ZFHX3: variants seen among roughly 807,000 people sequenced by gnomAD.
ZFHX3 encodes the protein zinc finger homeobox protein 3.
A neutral mutation model predicts 279.1 loss-of-function variants in ZFHX3; 42 were observed. The ratio of observed to expected loss-of-function variants is 0.15; its 90% CI spans 0.12 to 0.19. The LOEUF (loss-of-function observed/expected upper bound fraction) is 0.19, where lower values mean the gene tolerates loss of function less well. ZFHX3 is among the 10% of genes least tolerant of loss of function. ZFHX3 has a pLI of 1.00. For synonymous variants in ZFHX3, 2,293 were observed against 1,957.8 expected (o/e 1.17, Z -4.52); for missense variants, 4,981 against 4,754.0 (o/e 1.05, Z -1.40).
intron 6 of ZFHX3, among the ~76,000 whole-genome samples, chr16:73,131,595 G>A (rs1216119362): frequency 2.0e-5 from 3 of 152,204 alleles, no homozygotes; most frequent in African/African-American, 7.2e-5. Context: ...GACACAGTGA[G>A]CCTCACAGGG....
In ZFHX3 at chr16:73,531,960, C is replaced by T. The variant is rs114981771; in HGVS notation, c.-1546-75702G>A. ...AAAAATTGACTGGATATGTGGCATG[C>T]ACCTGTAATCCCAGCTACTTGGAAG... On this transcript the variant is annotated intron_variant, in intron 2 of 17. Transcript: ENST00000641206. 6.1e-3 allele frequency among the ~76,000 whole-genome samples: 929 copies of T among 151,724 alleles called. 10 individuals carry two copies. Among genetic ancestry groups the T allele is most frequent in the African/African-American group, 0.021 (885 of 41,328 alleles).
At chr16:72,874,237 C>A (rs2038245846) in intron 4 of ZFHX3, among the ~76,000 whole-genome samples, 1 of 123,862 alleles carries the variant, frequency 8.1e-6, no homozygotes, top group Non-Finnish European at 1.6e-5. Context: ...GAGACAGTCT[C>A]ACTCTGTCGC....
intron 1 of ZFHX3, among the ~76,000 whole-genome samples, chr16:73,682,405 A>C (rs2142196176): frequency 6.6e-6 from 1 of 152,288 alleles, no homozygotes; most frequent in South Asian, 2.1e-4. Context: ...AAATGAAGTA[A>C]GAAGAAAATT....
At chr16:73,794,567 G>A (rs189216138) in intron 1 of ZFHX3, among the ~76,000 whole-genome samples, 15 of 152,184 alleles carry the variant, frequency 9.9e-5, no homozygotes, top group South Asian at 6.2e-4. Context: ...ACCATGAGGC[G>A]ATCCTGAGAG....
intron 4 of ZFHX3, among the ~76,000 whole-genome samples, chr16:72,840,663 A>G (rs1418847255): frequency 6.6e-6 from 1 of 152,202 alleles, no homozygotes; most frequent in African/African-American, 2.4e-5. Flanking sequence ...CTTACTCTGA[A>G]GCCCACAGCG....
intron 2 of ZFHX3, among the ~76,000 whole-genome samples, chr16:73,528,927 C>G (rs1255456167): frequency 2.0e-5 from 3 of 152,200 alleles, no homozygotes; most frequent in African/African-American, 7.2e-5. Context: ...GCTGTCCAAC[C>G]TTCTGAATTG....
At chr16:73,633,034 G>A (rs367824858) in intron 2 of ZFHX3, among the ~76,000 whole-genome samples, 5 of 152,152 alleles carry the variant, frequency 3.3e-5, no homozygotes, top group East Asian at 1.9e-4. Context: ...AGCTGGGATC[G>A]CACCACTGCA....
At chr16:73,881,433 TCACA>T (rs10538063) in intron 1 of ZFHX3, among the ~76,000 whole-genome samples, 4,919 of 100,654 alleles carry the variant, frequency 0.049, 433 homozygotes, top group African/African-American at 0.16. Flanking sequence ...ATGATCACAC[TCACA>T]CACACACACA....
intron 1 of ZFHX3, among the ~76,000 whole-genome samples, chr16:73,006,732 TAC>T (rs138081653): frequency 0.031 from 4,699 of 151,982 alleles, 227 homozygotes; most frequent in African/African-American, 0.1. Flanking sequence ...CTCACACACA[TAC>T]ACACAGACAG....
intron 2 of ZFHX3, among the ~76,000 whole-genome samples, chr16:73,667,225 T>C (rs2052852169): frequency 6.6e-6 from 1 of 152,054 alleles, no homozygotes; most frequent in African/African-American, 2.4e-5. Context: ...CTCTTGACCT[T>C]GTGATCCACC....
At chr16:73,627,666 C>T (rs1357987518) in intron 2 of ZFHX3, among the ~76,000 whole-genome samples, 1 of 152,190 alleles carries the variant, frequency 6.6e-6, no homozygotes, top group Non-Finnish European at 1.5e-5. Context: ...CGCCTGTAAT[C>T]CCAGCACTAT....
In ZFHX3 at chr16:73,024,412, C is replaced by T. The variant is rs143965605; in HGVS notation, c.-50+23340G>A. 3.8e-3 allele frequency among the ~76,000 whole-genome samples: 576 copies of T among 152,240 alleles called. 2 individuals are homozygous for T. The highest frequency in any genetic ancestry group is 7.0e-3 in the Non-Finnish European group (478 of 68,006). ...CCACTCCCCTTCCTTCCCCCAGCCA[C>T]GGGCAGGAGGCACCACCCATGAAGA... On this transcript the variant is annotated intron_variant, in intron 1 of 9. Transcript: ENST00000268489.
At chr16:73,374,488 A>G (rs1030337636) in intron 3 of ZFHX3, among the ~76,000 whole-genome samples, 1 of 152,224 alleles carries the variant, frequency 6.6e-6, no homozygotes, top group Non-Finnish European at 1.5e-5. Context: ...CTATTTCAGC[A>G]TGCATCTCTA....
intron 1 of ZFHX3, among the ~76,000 whole-genome samples, chr16:73,818,690 G>A (rs1408533627): frequency 6.6e-6 from 1 of 152,184 alleles, no homozygotes; most frequent in Non-Finnish European, 1.5e-5. Flanking sequence ...CAAGGTAAGG[G>A]AGATGAAAGT....
At chr16:73,046,558 T>G (rs1012769061) in intron 1 of ZFHX3, among the ~76,000 whole-genome samples, 4 of 152,062 alleles carry the variant, frequency 2.6e-5, no homozygotes, top group African/African-American at 9.7e-5. Flanking sequence ...TGACACCTCC[T>G]GAATTCAGGA....
At chr16:73,168,264 T>TTTCTTTC in intron 5 of ZFHX3, among the ~76,000 whole-genome samples, 1 of 150,468 alleles carries the variant, frequency 6.6e-6, no homozygotes. Context: ...TCTTTCTTTC[T>TTTCTTTC]TTCTTTCTTT....
rs576423882 is a variant in ZFHX3, at chr16:73,520,152, T to C, written c.-1546-63894A>G. On this transcript the variant is annotated intron_variant, in intron 2 of 17. Coordinates refer to the ZFHX3 transcript ENST00000641206. Reference sequence around the variant, plus strand: ...AAAAATGAGGCCTTCTTTAAGATAATGAACCCATTTTCAAAGTGTTGCTTC... The same window carrying C: ...AAAAATGAGGCCTTCTTTAAGATAACGAACCCATTTTCAAAGTGTTGCTTC... 2.6e-5 allele frequency among the ~76,000 whole-genome samples: 4 copies of C among 152,272 alleles called. No individual in the cohort carries two copies. In the East Asian group the frequency reaches 7.7e-4, roughly 29 times the overall value.
At chr16:73,044,914 C>A (rs912377308) in intron 1 of ZFHX3, among the ~76,000 whole-genome samples, 1 of 152,186 alleles carries the variant, frequency 6.6e-6, no homozygotes, top group Non-Finnish European at 1.5e-5. Flanking sequence ...AGCCACCATG[C>A]CTGGCCAAAA....
chr16:73,511,484 A>G (rs1374874534), intron 2 of ZFHX3, among the ~76,000 whole-genome samples: 1 of 152,250 alleles, frequency 6.6e-6, no homozygotes, highest in Admixed American at 6.5e-5. Context: ...AAGGTGGACT[A>G]TGAAATTCTG....
Sources: allele counts gnomAD v4.1 joint callset (sites outside exome capture counted in the v4.1 genomes callset), GRCh38; gene constraint gnomAD v4.1.1; transcripts MANE v1.5; gene names NCBI Gene and HGNC (gene_info 2026-07-23, HGNC 2026-07-21).